The following NBEA variants were observed in gnomAD, a reference collection of about 807,000 sequenced individuals.
The protein encoded by NBEA is neurobeachin.
In NBEA, 44 loss-of-function variants were observed where a neutral mutation model predicts 343.4. That is an observed-to-expected ratio of 0.13 (90% CI 0.10 to 0.16). The LOEUF (loss-of-function observed/expected upper bound fraction) is 0.16. Among genes scored for constraint, NBEA ranks in the 10% least tolerant of loss-of-function variants. The pLI is 1.00. For synonymous variants in NBEA, 1,175 were observed against 1,238.7 expected, an observed-to-expected ratio of 0.95 and a Z score of 1.08; for missense variants, 2,555 against 3,631.3, an observed-to-expected ratio of 0.70 and a Z score of 7.62.
At chr13:35,417,844 C>G (rs1312253838) in intron 38 of NBEA, among the ~76,000 whole-genome samples, 3 of 152,228 alleles carry the variant, frequency 2.0e-5, no homozygotes, top group East Asian at 3.9e-4. Context: ...GTGTTAAAAT[C>G]TCCCATTATT....
chr13:35,162,895 A>T (rs1005016860), intron 23 of NBEA, among the ~76,000 whole-genome samples: 6 of 152,118 alleles, frequency 3.9e-5, no homozygotes, highest in African/African-American at 1.4e-4. Flanking sequence ...TGCCATAGAA[A>T]GATTTTACTT....
At chr13:35,602,980 T>C (rs946435516) in intron 47 of NBEA, among the ~76,000 whole-genome samples, 1 of 152,230 alleles carries the variant, frequency 6.6e-6, no homozygotes, top group Admixed American at 6.5e-5. Context: ...TGATGGCAAC[T>C]TTAAAATCAA....
At chr13:35,132,844 A>G (rs2067501002) in intron 17 of NBEA, among the ~76,000 whole-genome samples, 1 of 152,196 alleles carries the variant, frequency 6.6e-6, no homozygotes, top group African/African-American at 2.4e-5. Flanking sequence ...TGAATTGTTC[A>G]TTTGCAAAAT....
chr13:35,586,138 G>A (rs183906433), intron 46 of NBEA, among the ~76,000 whole-genome samples: 11 of 152,216 alleles, frequency 7.2e-5, no homozygotes, highest in African/African-American at 2.6e-4. Context: ...AAACACATTG[G>A]TAAAGCAGAG....
Position 35,056,024 on chromosome 13 carries a change from C to A in NBEA, c.987C>A (p.Ser329Arg). The change falls in exon 7 of 59, where the codon AGC becomes AGA. Residue 329 changes from serine to arginine, a missense_variant. By Grantham distance (110) the Ser-to-Arg change is moderately radical. This residue lies in a region of NBEA where 75 missense variants were observed against 237.4 expected (regional missense o/e 0.32). Coordinates refer to ENST00000379939, the MANE Select transcript of NBEA (RefSeq NM_001385012.1). ...TTTTATTTAAGTGGTACATGATCAG[C>A]ATTGTCCACATTTACAATCGATGGA... is the stretch of plus-strand genomic sequence containing the variant. The part of the protein sequence containing the change: ...DFQPRKWYMI[S>R]IVHIYNRWRN... 1 of 1,599,864 alleles carries A rather than the reference C, an allele frequency of 6.3e-7. No individual in the cohort carries two copies. Among genetic ancestry groups the A allele is most frequent in the South Asian group, 1.1e-5 (1 of 87,986 alleles).
chr13:35,216,465 G>T (rs1293114144), intron 33 of NBEA, among the ~76,000 whole-genome samples: 1 of 151,936 alleles, frequency 6.6e-6, no homozygotes, highest in Non-Finnish European at 1.5e-5. Context: ...CTTTACAGAT[G>T]TTTCCCAGCC....
intron 10 of NBEA, among the ~76,000 whole-genome samples, chr13:35,095,098 A>G (rs1376624470): frequency 6.6e-6 from 1 of 151,786 alleles, no homozygotes; most frequent in Non-Finnish European, 1.5e-5. Context: ...TTAGGTTTAT[A>G]TATTCACTCT....
intron 39 of NBEA, among the ~76,000 whole-genome samples, chr13:35,434,683 A>G (rs2045326059): frequency 1.3e-5 from 2 of 152,232 alleles, no homozygotes. Context: ...GAGTAAATAC[A>G]GAGGATGTAG....
chr13:35,215,297 T>A (rs1200170789), intron 33 of NBEA, among the ~76,000 whole-genome samples: 1 of 151,658 alleles, frequency 6.6e-6, no homozygotes, highest in Non-Finnish European at 1.5e-5. Flanking sequence ...GGATCTTTAA[T>A]TTTTTTCAGC....
intron 13 of NBEA, among the ~76,000 whole-genome samples, chr13:35,116,919 T>A (rs1214266477): frequency 6.6e-6 from 1 of 152,032 alleles, no homozygotes; most frequent in African/African-American, 2.4e-5. Flanking sequence ...TAATATGTAT[T>A]TTCTGTATAC....
In NBEA at chr13:35,163,793, A is replaced by G. The variant is rs141405757; in HGVS notation, c.4080-563A>G. Among the ~76,000 whole-genome samples, 470 of 152,102 alleles carry G rather than the reference A, an allele frequency of 3.1e-3. 6 individuals carry two copies. Among genetic ancestry groups the G allele is most frequent in the Admixed American group, 0.025 (376 of 15,254 alleles). On this transcript the variant is annotated intron_variant, in intron 23 of 58. Transcript: ENST00000379939. Reference sequence around the variant, plus strand: ...TGTACTGATTTATTTATACTCCCCTATCATGTCACTTCTTTAGCAGTATAC... The same window carrying G: ...TGTACTGATTTATTTATACTCCCCTGTCATGTCACTTCTTTAGCAGTATAC...
intron 1 of NBEA, among the ~76,000 whole-genome samples, chr13:34,992,043 T>G (rs1201724764): frequency 6.6e-6 from 1 of 151,210 alleles, no homozygotes; most frequent in Non-Finnish European, 1.5e-5. Flanking sequence ...TAATATGACT[T>G]TTATTCTCTG....
intron 41 of NBEA, among the ~76,000 whole-genome samples, chr13:35,532,536 G>T (rs902413375): frequency 2.0e-5 from 3 of 152,084 alleles, no homozygotes; most frequent in African/African-American, 7.2e-5. Context: ...CTTTGATTGT[G>T]CAGTCAAAAA....
intron 36 of NBEA, among the ~76,000 whole-genome samples, chr13:35,331,397 T>G (rs1289684681): frequency 3.9e-5 from 6 of 152,006 alleles, no homozygotes; most frequent in Non-Finnish European, 1.5e-5. Context: ...TGACAAAAAC[T>G]GAAATTAAGA....
At chr13:34,959,805 G>A (rs1407317016) in intron 1 of NBEA, among the ~76,000 whole-genome samples, 2 of 152,080 alleles carry the variant, frequency 1.3e-5, no homozygotes, top group Non-Finnish European at 2.9e-5. Context: ...ATATCATAAT[G>A]TCATAGCACA....
In NBEA at chr13:35,366,669, C is replaced by T. The variant is rs534973182; in HGVS notation, c.6179+14346C>T. Reference sequence around the variant, plus strand: ...AAATTTTTAACTACAGTACGTTCCTCTTTCCCCCAATGTAAGCAGCTACTC... The same window carrying T: ...AAATTTTTAACTACAGTACGTTCCTTTTTCCCCCAATGTAAGCAGCTACTC... On this transcript the variant is annotated intron_variant, in intron 38 of 58. Coordinates refer to ENST00000379939, the MANE Select transcript of NBEA (RefSeq NM_001385012.1). Among the ~76,000 whole-genome samples the T allele has an allele frequency of 2.0e-5, 3 of 149,182 alleles. No individual in the cohort carries two copies. The South Asian group carries it at 6.3e-4, about 31-fold the overall frequency.
At chr13:35,221,896 G>A (rs2074389878) in intron 33 of NBEA, among the ~76,000 whole-genome samples, 1 of 152,108 alleles carries the variant, frequency 6.6e-6, no homozygotes, top group Non-Finnish European at 1.5e-5. Context: ...TGGGAGAAGA[G>A]CGGTCCAGAA....
chr13:35,634,438 A>G (rs2083609382), intron 49 of NBEA, among the ~76,000 whole-genome samples: 1 of 152,246 alleles, frequency 6.6e-6, no homozygotes, highest in Non-Finnish European at 1.5e-5. Context: ...TGGTTCAGCA[A>G]GAGAAAAAAA....
At chr13:35,410,206 C>T (rs1289619660) in intron 38 of NBEA, among the ~76,000 whole-genome samples, 1 of 152,094 alleles carries the variant, frequency 6.6e-6, no homozygotes, top group African/African-American at 2.4e-5. Flanking sequence ...CCTATCTTTC[C>T]TTCCATGTTT....
Sources: gnomAD v4.1 joint callset for allele counts (sites outside exome capture counted in the v4.1 genomes callset) on GRCh38, gnomAD v4.1.1 for gene constraint, gnomAD v4.1.1 regional missense constraint, MANE v1.5 for transcripts, NCBI Gene and HGNC (gene_info 2026-07-23, HGNC 2026-07-21) for gene names.